OR3A2: variants seen among roughly 807,000 people sequenced by gnomAD.
OR3A2 encodes the protein olfactory receptor family 3 subfamily A member 2, also known as olfactory receptor 3A2.
For missense variants in OR3A2, 318 were observed against 392.8 expected (o/e 0.81, Z 1.61); for synonymous variants, 126 against 159.3 (o/e 0.79, Z 1.57).
At chr17:3,296,727 G>A (rs145704398) in intron 3 of OR3A2, among the ~76,000 whole-genome samples, 10 of 152,076 alleles carry the variant, frequency 6.6e-5, no homozygotes, top group Admixed American at 2.6e-4. Flanking sequence ...AAACTTGCTC[G>A]AGAAAAGTTG....
chr17:3,345,576 G>A (rs1008180747), intron 2 of OR3A2, among the ~76,000 whole-genome samples: 2 of 152,054 alleles, frequency 1.3e-5, no homozygotes, highest in South Asian at 4.1e-4. Context: ...CACAAAAACA[G>A]TTCTTGAAAA....
chr17:3,300,174 T>A (rs574968012), intron 3 of OR3A2, among the ~76,000 whole-genome samples: 1 of 152,178 alleles, frequency 6.6e-6, no homozygotes, highest in East Asian at 1.9e-4. Flanking sequence ...ACAACTTTTA[T>A]GACATCATCT....
chr17:3,326,593 T>G (rs373012144), intron 3 of OR3A2, among the ~76,000 whole-genome samples: 7 of 151,630 alleles, frequency 4.6e-5, no homozygotes, highest in South Asian at 4.2e-4. Context: ...AGGGTACATA[T>G]GCACATTGTG....
At chr17:3,317,722 T>C (rs886313635) in intron 3 of OR3A2, among the ~76,000 whole-genome samples, 1 of 152,082 alleles carries the variant, frequency 6.6e-6, no homozygotes, top group African/African-American at 2.4e-5. Context: ...GTGTAGAACA[T>C]GTTAAAATTT....
chr17:3,301,294 T>C (rs1390143625), intron 3 of OR3A2, among the ~76,000 whole-genome samples: 3 of 152,204 alleles, frequency 2.0e-5, no homozygotes, highest in Non-Finnish European at 2.9e-5. Flanking sequence ...TTGAACTAGT[T>C]TACAGTCCCA....
At position 3,283,526 on chromosome 17, in the gene OR3A2, G is replaced by A. The variant is rs1010924212; in HGVS notation, c.-7+832C>T. 2.6e-5 allele frequency among the ~76,000 whole-genome samples: 4 copies of A among 152,126 alleles called. 1 individual carries two copies. The highest frequency in any genetic ancestry group is 9.7e-5 in the African/African-American group (4 of 41,416). On this transcript the variant is annotated intron_variant, in intron 1 of 1. Coordinates refer to ENST00000642052, the Ensembl canonical transcript of OR3A2. ...AGGCGTAAGTCACTGCGCCCGGCCGGTATCCAATATTTCTTAAATAAATGG... is the reference window on the plus strand; with the variant it reads ...AGGCGTAAGTCACTGCGCCCGGCCGATATCCAATATTTCTTAAATAAATGG...
intron 3 of OR3A2, among the ~76,000 whole-genome samples, chr17:3,293,474 T>C (rs1484000576): frequency 9.2e-5 from 14 of 152,186 alleles, no homozygotes; most frequent in Non-Finnish European, 1.5e-5. Flanking sequence ...CCTGCTAGTC[T>C]GAAACATGTC....
At chr17:3,343,069 C>T (rs894140344) in intron 2 of OR3A2, among the ~76,000 whole-genome samples, 1 of 152,184 alleles carries the variant, frequency 6.6e-6, no homozygotes, top group South Asian at 2.1e-4. Context: ...GAGCCAGGCA[C>T]GGGATATAAT....
At chr17:3,342,976 T>G (rs1354150908) in intron 2 of OR3A2, among the ~76,000 whole-genome samples, 1 of 152,206 alleles carries the variant, frequency 6.6e-6, no homozygotes, top group Non-Finnish European at 1.5e-5. Context: ...ACGCCCCTCC[T>G]CCAGCCAGGC....
At chr17:3,310,732 G>A (rs2049035417) in intron 3 of OR3A2, 6 of 548,936 alleles carry the variant, frequency 1.1e-5, no homozygotes, top group Non-Finnish European at 2.2e-5. Flanking sequence ...CGCATGAGCT[G>A]GGGAATCCAG....
At chr17:3,355,795 T>C (rs901715209) in intron 2 of OR3A2, among the ~76,000 whole-genome samples, 6 of 151,262 alleles carry the variant, frequency 4.0e-5, no homozygotes, top group African/African-American at 1.2e-4. Context: ...GGTTGGAGAG[T>C]TTAGTTCATT....
At chr17:3,375,731 T>C (rs1224027669) in intron 2 of OR3A2, among the ~76,000 whole-genome samples, 1 of 152,230 alleles carries the variant, frequency 6.6e-6, no homozygotes, top group Non-Finnish European at 1.5e-5. Flanking sequence ...GTAGACTGTT[T>C]TAGTGGAAAA....
chr17:3,282,904 T>G (rs2048786181), intron 1 of OR3A2, among the ~76,000 whole-genome samples: 1 of 152,200 alleles, frequency 6.6e-6, no homozygotes. Context: ...CAACGGCACA[T>G]GCCCAGATAT....
At chr17:3,371,148 G>A (rs1464268657) in intron 2 of OR3A2, among the ~76,000 whole-genome samples, 1 of 151,974 alleles carries the variant, frequency 6.6e-6, no homozygotes, top group Non-Finnish European at 1.5e-5. Flanking sequence ...TCCCAGACGG[G>A]GTGGTGGCCA....
chr17:3,291,691 G>A, intron 3 of OR3A2: 1 of 1,611,272 alleles, frequency 6.2e-7, no homozygotes, highest in South Asian at 1.1e-5. Context: ...TGCACATCAG[G>A]GTTTCTGAAG....
At chr17:3,277,718 G>C (rs995149075) in exon 2 of OR3A2, 52 of 437,900 alleles carry the variant, frequency 1.2e-4, no homozygotes, top group Non-Finnish European at 1.9e-4. Flanking sequence ...TGAGTTGCAT[G>C]AGTGCAGAGA....
chr17:3,381,857 C>T (rs1432694912), intron 2 of OR3A2, among the ~76,000 whole-genome samples: 1 of 152,166 alleles, frequency 6.6e-6, no homozygotes. Context: ...AGGACAAAAC[C>T]TTGTGCCGAG....
chr17:3,311,046 T>A lies in OR3A2; in HGVS notation c.-85+24987A>T, dbSNP rs1320666525. ...AAAGAAAGCCTTCTCCACGTGTAGT[T>A]CCCACCTCACTGTGGTGGGCATCTT... is the stretch of plus-strand genomic sequence containing the variant. On this transcript the variant is annotated intron_variant, in intron 3 of 4. Transcript: ENST00000573491. The surrounding 1 kb of genome is among the most constrained non-coding windows in gnomAD (Gnocchi z 4.6). The A allele has an allele frequency of 1.8e-6, 1 of 545,858 alleles. No individual in the cohort carries two copies. Among genetic ancestry groups the A allele is most frequent in the Admixed American group, 1.9e-5 (1 of 51,960 alleles). The allele number at this position is 545,858 out of a possible 1,614,324, so 33.8% of individuals were successfully genotyped here.
At chr17:3,348,961 C>T (rs1489537197) in intron 2 of OR3A2, among the ~76,000 whole-genome samples, 2 of 152,032 alleles carry the variant, frequency 1.3e-5, no homozygotes, top group African/African-American at 2.4e-5. Context: ...AAATAAAATA[C>T]TTTACAGACA....
Sources: gnomAD v4.1 joint callset for allele counts (sites outside exome capture counted in the v4.1 genomes callset) on GRCh38, gnomAD v4.1.1 for gene constraint, Gnocchi (gnomAD v3.1) non-coding constraint, MANE v1.5 for transcripts, NCBI Gene and HGNC (gene_info 2026-07-23, HGNC 2026-07-21) for gene names.